Variants in EPHA6 observed in about 807,000 individuals in gnomAD.
EPHA6 encodes EPH receptor A6.
Under a neutral mutation model 112.0 loss-of-function variants are expected in EPHA6, and 50 were observed. The observed-to-expected ratio is 0.45, with a 90% CI of 0.36 to 0.56. EPHA6 has a LOEUF of 0.56. Among genes scored for constraint, EPHA6 ranks in the 20% least tolerant of loss-of-function variants. EPHA6 has a pLI of 0.00. For missense variants in EPHA6, 1,280 were observed against 1,417.4 expected (o/e 0.90, Z 1.56); for synonymous variants, 529 against 490.7 (o/e 1.08, Z -1.03).
chr3:97,390,473 G>A (rs192130120), intron 5 of EPHA6, among the ~76,000 whole-genome samples: 1,651 of 150,516 alleles, frequency 0.011, 14 homozygotes, highest in Non-Finnish European at 0.017. Context: ...ATATATATAC[G>A]CTGTGTGTAT....
chr3:97,027,476 C>T (rs1188012320), intron 3 of EPHA6, among the ~76,000 whole-genome samples: 2 of 152,042 alleles, frequency 1.3e-5, no homozygotes, highest in East Asian at 1.9e-4. Context: ...AGATAAGCCA[C>T]CTCCAAGGAA....
intron 13 of EPHA6, among the ~76,000 whole-genome samples, chr3:97,628,985 T>C (rs1274955312): frequency 6.6e-6 from 1 of 151,990 alleles, no homozygotes; most frequent in Non-Finnish European, 1.5e-5. Context: ...CGGGCTGGAG[T>C]GTAGTGGCGT....
intron 3 of EPHA6, among the ~76,000 whole-genome samples, chr3:97,211,780 A>C (rs1021178762): frequency 1.3e-4 from 20 of 152,226 alleles, no homozygotes; most frequent in Non-Finnish European, 2.8e-4. Context: ...GATGCACATG[A>C]AAATAAGTCG....
In EPHA6 at chr3:97,754,925, G is replaced by A. The variant is rs1431688583; in HGVS notation, c.*6224G>A. 1.3e-5 allele frequency among the ~76,000 whole-genome samples: 2 copies of A among 151,986 alleles called. No individual in the cohort carries two copies. The highest frequency in any genetic ancestry group is 2.4e-5 in the African/African-American group (1 of 41,368). On this transcript the variant is annotated 3_prime_UTR_variant, in exon 18 of 18. Coordinates refer to ENST00000389672, the MANE Select transcript of EPHA6 (RefSeq NM_001080448.3). ...TCACCGTGTTAGCCAGGATGGTCTC[G>A]ATCTCCTGACCTGGTGATCCAACCG...
chr3:97,008,312 C>A (rs1490062395), intron 3 of EPHA6, among the ~76,000 whole-genome samples: 3 of 152,026 alleles, frequency 2.0e-5, no homozygotes, highest in Non-Finnish European at 4.4e-5. Context: ...ATTTTTCATT[C>A]TTTTTTCTCT....
At chr3:97,407,347 A>AACACACACACACACACAC (rs34259097) in intron 6 of EPHA6, among the ~76,000 whole-genome samples, 16 of 147,370 alleles carry the variant, frequency 1.1e-4, no homozygotes, top group African/African-American at 4.0e-4. Context: ...ACTGAAATTA[A>AACACACACACACACACAC]ACACACACAC....
intron 11 of EPHA6, 80 bp downstream of exon 11, chr3:97,532,623 T>A: frequency 8.7e-7 from 1 of 1,144,984 alleles, no homozygotes; most frequent in Non-Finnish European, 1.2e-6. Flanking sequence ...ATCTTCATAA[T>A]AATACCACAG....
intron 14 of EPHA6, among the ~76,000 whole-genome samples, chr3:97,664,520 G>A (rs1375976693): frequency 2.0e-5 from 3 of 152,120 alleles, no homozygotes; most frequent in Non-Finnish European, 4.4e-5. Context: ...AGGAAAAGAG[G>A]AAGTCAGATT....
chr3:97,169,404 A>G (rs569891296), intron 3 of EPHA6, among the ~76,000 whole-genome samples: 1 of 152,234 alleles, frequency 6.6e-6, no homozygotes, highest in Admixed American at 6.5e-5. Context: ...TGGATAGTAG[A>G]ATTACCTTCA....
intron 14 of EPHA6, among the ~76,000 whole-genome samples, chr3:97,690,571 G>A (rs1234728518): frequency 6.6e-6 from 1 of 151,530 alleles, no homozygotes; most frequent in Non-Finnish European, 1.5e-5. Flanking sequence ...GGGTTCAAAC[G>A]ATTCTCCTAC....
intron 10 of EPHA6, among the ~76,000 whole-genome samples, chr3:97,509,937 G>C (rs1345362762): frequency 1.3e-5 from 2 of 151,916 alleles, no homozygotes; most frequent in Non-Finnish European, 2.9e-5. Context: ...TCATTAAATT[G>C]ATCTTTAATC....
At chr3:97,093,310 A>T (rs1375578288) in intron 3 of EPHA6, among the ~76,000 whole-genome samples, 1 of 152,124 alleles carries the variant, frequency 6.6e-6, no homozygotes, top group Non-Finnish European at 1.5e-5. Context: ...GCATCTTGGG[A>T]GGCTGAGGTG....
intron 8 of EPHA6, among the ~76,000 whole-genome samples, chr3:97,477,280 A>C (rs537062897): frequency 6.6e-6 from 1 of 152,130 alleles, no homozygotes; most frequent in Non-Finnish European, 1.5e-5. Context: ...AGCCAGAATA[A>C]AGTGATTATA....
intron 3 of EPHA6, among the ~76,000 whole-genome samples, chr3:96,994,790 A>ATG (rs1225304168): frequency 9.2e-5 from 12 of 130,706 alleles, no homozygotes; most frequent in South Asian, 2.3e-4. Flanking sequence ...GGCTGAGAAT[A>ATG]TGTGTGTGTA....
chr3:97,098,782 A>G (rs1235795727), intron 3 of EPHA6, among the ~76,000 whole-genome samples: 1 of 151,878 alleles, frequency 6.6e-6, no homozygotes, highest in East Asian at 1.9e-4. Context: ...TCAATCAAGC[A>G]AAAAGGGATG....
intron 8 of EPHA6, among the ~76,000 whole-genome samples, chr3:97,477,410 T>TAGAGAA (rs752335767): frequency 1.8e-4 from 23 of 129,982 alleles, no homozygotes; most frequent in African/African-American, 3.3e-4. Flanking sequence ...CAGTTATGGT[T>TAGAGAA]AGAGAAAGAG....
chr3:97,499,924 TA>T, intron 10 of EPHA6, among the ~76,000 whole-genome samples: 1 of 152,012 alleles, frequency 6.6e-6, no homozygotes, highest in Non-Finnish European at 1.5e-5. Flanking sequence ...AAAATACAAA[TA>T]TTTTTTCTTC....
intron 5 of EPHA6, among the ~76,000 whole-genome samples, chr3:97,286,174 T>C (rs144212563): frequency 2.6e-4 from 39 of 152,282 alleles, no homozygotes; most frequent in African/African-American, 8.4e-4. Flanking sequence ...TTCAAAAATA[T>C]TTTCTCCCAT....
intron 5 of EPHA6, among the ~76,000 whole-genome samples, chr3:97,254,170 A>G (rs1010499961): frequency 6.6e-6 from 1 of 151,870 alleles, no homozygotes; most frequent in East Asian, 1.9e-4. Flanking sequence ...ATATATATAT[A>G]TATATGTTTT....
Sources: gnomAD v4.1 joint callset for allele counts (sites outside exome capture counted in the v4.1 genomes callset) on GRCh38, gnomAD v4.1.1 for gene constraint, MANE v1.5 for transcripts, NCBI Gene and HGNC (gene_info 2026-07-23, HGNC 2026-07-21) for gene names.